ASB18: variants seen among roughly 807,000 people sequenced by gnomAD.
ASB18 encodes the protein ankyrin repeat and SOCS box containing 18.
In ASB18, 33 loss-of-function variants were observed where a neutral mutation model predicts 33.4. That is an observed-to-expected ratio of 0.99 (90% confidence interval 0.75 to 1.32). The LOEUF is 1.32. ASB18 is among the 40% of genes most tolerant of loss of function. The pLI is 0.00. For synonymous variants in ASB18, 295 were observed against 307.6 expected (o/e 0.96, Z 0.43); for missense variants, 694 against 655.5 (o/e 1.06, Z -0.64).
rs1233410033 is a variant in ASB18 at position 236,214,114 on chromosome 2, A to C, written c.1101+248T>G. 1 of 524,580 alleles carries C rather than the reference A, an allele frequency of 1.9e-6. No homozygotes were observed. The highest frequency in any genetic ancestry group is 2.0e-5 in the African/African-American group (1 of 49,016). 32.5% of individuals were successfully genotyped at this position (524,580 alleles called of 1,614,324 possible). ...TTAATTGTCTCGTGGCTCTAACCAGAAGGCTTCTAGGCCCCTGTTCCTCAA... is the reference window on the plus strand; with the variant it reads ...TTAATTGTCTCGTGGCTCTAACCAGCAGGCTTCTAGGCCCCTGTTCCTCAA... On this transcript the variant is annotated intron_variant, in intron 4 of 5. Coordinates refer to ENST00000409749, the MANE Select transcript of ASB18 (RefSeq NM_212556.4). This position sits in a 1 kb window ranked among gnomAD's most constrained non-coding sequence, Gnocchi z 6.5.
rs759870823 is a variant in ASB18, at chr2:236,193,514, C to G, written c.*1358G>C. ...ACACCGATAAGAAACAAAACTGATT[C>G]GGCAGGGCATGGTGACTCATGCCTG... On this transcript the variant is annotated 3_prime_UTR_variant, in exon 6 of 6. Coordinates refer to ENST00000409749, the MANE Select transcript of ASB18 (RefSeq NM_212556.4). The surrounding 1 kb of genome is among the most constrained non-coding windows in gnomAD (Gnocchi z 5.0). Among the ~76,000 whole-genome samples, 1 of 152,124 alleles carries G rather than the reference C, an allele frequency of 6.6e-6. No homozygotes were observed. The highest frequency in any genetic ancestry group is 1.5e-5 in the Non-Finnish European group (1 of 68,028).
rs914723643 is a variant in ASB18, at chr2:236,251,516, T to C, written c.206-10114A>G. 6.6e-6 allele frequency among the ~76,000 whole-genome samples: 1 copy of C among 152,214 alleles called. No homozygotes were observed. The highest frequency in any genetic ancestry group is 2.4e-5 in the African/African-American group (1 of 41,446). On this transcript the variant is annotated intron_variant, in intron 1 of 5. Transcript: ENST00000409749. This position sits in a 1 kb window ranked among gnomAD's most constrained non-coding sequence, Gnocchi z 5.3. ...TACTTCTCTCTTGAAGTTGGTTTGC[T>C]TTGATTGTTCTGCCCTGTGATCCTT... is the stretch of plus-strand genomic sequence containing the variant.
In ASB18 at chr2:236,238,367, G is replaced by A. The variant is rs995715615; in HGVS notation, c.329-411C>T. Among the ~76,000 whole-genome samples the A allele has an allele frequency of 1.3e-5, 2 of 152,168 alleles. No homozygotes were observed. Among genetic ancestry groups the A allele is most frequent in the Non-Finnish European group, 2.9e-5 (2 of 68,046 alleles). ...CCTGAGTTAGGGCAGCTTGAAAGAGGAAAGTGGGTTGTGGAATTTTCCCGA... is the reference window on the plus strand; with the variant it reads ...CCTGAGTTAGGGCAGCTTGAAAGAGAAAAGTGGGTTGTGGAATTTTCCCGA... On this transcript the variant is annotated intron_variant, in intron 2 of 5. Transcript: ENST00000409749. This position sits in a 1 kb window ranked among gnomAD's most constrained non-coding sequence, Gnocchi z 5.2.
At position 236,223,517 on chromosome 2, in the gene ASB18, G is replaced by A. The variant is rs1250854525; in HGVS notation, c.597-8651C>T. Among the ~76,000 whole-genome samples, 1 of 152,232 alleles carries A rather than the reference G, an allele frequency of 6.6e-6. No individual in the cohort carries two copies. Among genetic ancestry groups the A allele is most frequent in the Non-Finnish European group, 1.5e-5 (1 of 68,048 alleles). On this transcript the variant is annotated intron_variant, in intron 3 of 5. Transcript: ENST00000409749. This position sits in a 1 kb window ranked among gnomAD's most constrained non-coding sequence, Gnocchi z 4.6. ...TGGATGAGAGAAACATTGTATGCAT[G>A]TAGGTATGTATGTATATTTTAATAC...
chr2:236,223,659 T>C lies in ASB18; in HGVS notation c.597-8793A>G, dbSNP rs2106273095. Among the ~76,000 whole-genome samples, 1 of 152,306 alleles carries C rather than the reference T, an allele frequency of 6.6e-6. No homozygotes were observed. The highest frequency in any genetic ancestry group is 2.1e-4 in the South Asian group (1 of 4,818). On this transcript the variant is annotated intron_variant, in intron 3 of 5. Coordinates refer to ENST00000409749, the MANE Select transcript of ASB18 (RefSeq NM_212556.4). The surrounding 1 kb of genome is among the most constrained non-coding windows in gnomAD (Gnocchi z 4.6). Reference sequence around the variant, plus strand: ...ATACCTCAATGAAGACATAGAATATTTCCATTTTGCCAGGAATTTCTCCTG... The same window carrying C: ...ATACCTCAATGAAGACATAGAATATCTCCATTTTGCCAGGAATTTCTCCTG...
rs2060676060 is a variant in ASB18 at position 236,253,307 on chromosome 2, G to C, written c.205+10834C>G. ...AGTTTCTCAAGCACCCGAGGTGAGG[G>C]ACCAGGGATTTTCTTTTCTGAGTCT... On this transcript the variant is annotated intron_variant, in intron 1 of 5. Transcript: ENST00000409749. The surrounding 1 kb of genome is among the most constrained non-coding windows in gnomAD (Gnocchi z 5.4). Among the ~76,000 whole-genome samples the C allele has an allele frequency of 1.3e-5, 2 of 152,182 alleles. No homozygotes were observed. Among genetic ancestry groups the C allele is most frequent in the East Asian group, 1.9e-4 (1 of 5,196 alleles).
At position 236,251,959 on chromosome 2, in the gene ASB18, G is replaced by A. The variant is rs1196490562; in HGVS notation, c.206-10557C>T. On this transcript the variant is annotated intron_variant, in intron 1 of 5. Transcript: ENST00000409749. The surrounding 1 kb of genome is among the most constrained non-coding windows in gnomAD (Gnocchi z 5.3). ...TGTACAGAGCATTTTTCAGGTACAA[G>A]AAGCTTACAGAAATAAATAGTAGAA... Among the ~76,000 whole-genome samples the A allele has an allele frequency of 6.6e-6, 1 of 152,102 alleles. No homozygotes were observed. Among genetic ancestry groups the A allele is most frequent in the African/African-American group, 2.4e-5 (1 of 41,434 alleles).
In ASB18 at chr2:236,214,482, G is replaced by C. The variant is rs1356210386; in HGVS notation, c.981C>G (p.Ala327=). The C allele has an allele frequency of 1.3e-6, 2 of 1,502,468 alleles. No individual in the cohort carries two copies. Among genetic ancestry groups the C allele is most frequent in the South Asian group, 2.5e-5 (2 of 80,984 alleles). The allele number at this position is 1,502,468 out of a possible 1,614,324, so 93.1% of individuals were successfully genotyped here. A position where few individuals can be genotyped will look rare whatever the true frequency, so the allele number is the denominator to read the frequency against. The change falls in exon 4 of 6, where the codon GCC becomes GCG. Residue 327 remains alanine (A), a synonymous_variant. Transcript: ENST00000409749. This position sits in a 1 kb window ranked among gnomAD's most constrained non-coding sequence, Gnocchi z 6.5. ...TCTGGAGCACGCGGCCCAGCGGCGA[G>C]GCCCCGCCATAGTCGAGCGCGCCCG... ...ADAGALDYGG[A]SPLGRVLQTA... is the part of the protein sequence containing the mutation.
At chr2:236,247,214 A>G (rs1180036170) in intron 1 of ASB18, 1 of 151,038 alleles carries the variant, frequency 6.6e-6, no homozygotes, top group Non-Finnish European at 1.5e-5. Flanking sequence ...TTTCATAAGC[A>G]TGGCAGAGAG....
chr2:236,248,832 G>A lies in ASB18; in HGVS notation c.206-7430C>T, dbSNP rs1378291519. 6.6e-6 allele frequency: 1 copy of A among 152,194 alleles called. No individual in the cohort carries two copies. The highest frequency in any genetic ancestry group is 1.5e-5 in the Non-Finnish European group (1 of 68,046). 9.4% of individuals were successfully genotyped at this position (152,194 alleles called of 1,614,324 possible). A position where few individuals can be genotyped will look rare whatever the true frequency, so the allele number is the denominator to read the frequency against. ...GCATGACACAGCCAAGATTCCAAAAGGTCTCCACAGGTCAGAGCAACAGGC... is the reference window on the plus strand; with the variant it reads ...GCATGACACAGCCAAGATTCCAAAAAGTCTCCACAGGTCAGAGCAACAGGC... On this transcript the variant is annotated intron_variant, in intron 1 of 5. Transcript: ENST00000409749. The surrounding 1 kb of genome is among the most constrained non-coding windows in gnomAD (Gnocchi z 4.9).
chr2:236,214,424 G>A lies in ASB18; in HGVS notation c.1039C>T (p.Arg347Cys). The A allele has an allele frequency of 4.5e-6, 7 of 1,561,362 alleles. No individual in the cohort carries two copies. Among genetic ancestry groups the A allele is most frequent in the Non-Finnish European group, 5.2e-6 (6 of 1,160,374 alleles). The change falls in exon 4 of 6, where the codon CGC becomes TGC. Residue 347 changes from arginine (R) to cysteine (C), a missense_variant. By Grantham distance (180) the Arg-to-Cys change is radical. Coordinates refer to ENST00000409749, the MANE Select transcript of ASB18 (RefSeq NM_212556.4). The surrounding 1 kb of genome is among the most constrained non-coding windows in gnomAD (Gnocchi z 6.5). ...ASCALQASPQ[R>C]TVQALLNHGS... ...TGGTTGAGCAGCGCCTGCACCGTGCGCTGCGGTGAGGCCTGGAGAGCGCAG... is the reference window on the plus strand; with the variant it reads ...TGGTTGAGCAGCGCCTGCACCGTGCACTGCGGTGAGGCCTGGAGAGCGCAG...
Position 236,237,954 on chromosome 2 carries a change from G to C in ASB18, c.331C>G (p.Leu111Val). 6.7e-7 allele frequency: 1 copy of C among 1,497,352 alleles called. No individual in the cohort carries two copies. The highest frequency in any genetic ancestry group is 2.2e-5 in the Admixed American group (1 of 45,536). 92.8% of individuals were successfully genotyped at this position (1,497,352 alleles called of 1,614,324 possible). Residue 111 changes from leucine to valine, a missense_variant and splice_region_variant, in exon 3 of 6, where the codon CTC becomes GTC. Physicochemically the swap from Leu to Val is conservative, Grantham distance 32. Transcript: ENST00000409749. This position sits in a 1 kb window ranked among gnomAD's most constrained non-coding sequence, Gnocchi z 6.2. ...KSPATFGLSG[L>V]WTLEYKRELT... ...TCACGCTTGTACTCCAGGGTCCAGA[G>C]GCCTGCGGGGAGGGAGGTGGGATGT...
intron 1 of ASB18, among the ~76,000 whole-genome samples, chr2:236,242,533 C>T (rs1283241712): frequency 6.6e-6 from 1 of 152,154 alleles, no homozygotes; most frequent in Non-Finnish European, 1.5e-5. Flanking sequence ...ATACTCACTG[C>T]ACCCTCCACC....
Position 236,260,889 on chromosome 2 carries a change from A to G in ASB18, c.205+3252T>C, listed in dbSNP as rs76751193. ...AAGCAGTTCCCAAGCTCATCCCACC[A>G]TGGAGCTCTTCTCAGGAAGCTTGTG... On this transcript the variant is annotated intron_variant, in intron 1 of 5. Coordinates refer to ENST00000409749, the MANE Select transcript of ASB18 (RefSeq NM_212556.4). This position sits in a 1 kb window ranked among gnomAD's most constrained non-coding sequence, Gnocchi z 5.1. Among the ~76,000 whole-genome samples, 275 of 152,278 alleles carry G rather than the reference A, an allele frequency of 1.8e-3. 1 individual carries two copies. The highest frequency in any genetic ancestry group is 6.4e-3 in the African/African-American group (265 of 41,570).
chr2:236,214,661 C>G lies in ASB18; in HGVS notation c.802G>C (p.Glu268Gln). 8.7e-7 allele frequency: 1 copy of G among 1,148,956 alleles called. No homozygotes were observed. Among genetic ancestry groups the G allele is most frequent in the Non-Finnish European group, 1.1e-6 (1 of 936,358 alleles). The allele number at this position is 1,148,956 out of a possible 1,614,324, so 71.2% of individuals were successfully genotyped here. A position where few individuals can be genotyped will look rare whatever the true frequency, so the allele number is the denominator to read the frequency against. Reference sequence around the variant, plus strand: ...CACAGGCGCAGGCAGCGCCCGTGCTCGTCGGGCCTCCGCGCCGCACCGCAG... The same window carrying G: ...CACAGGCGCAGGCAGCGCCCGTGCTGGTCGGGCCTCCGCGCCGCACCGCAG... The part of the protein sequence containing the change: ...AACGAARRPD[E>Q]HGRCLRLCAL... The change falls in exon 4 of 6, where the codon GAG (glutamate) becomes CAG (glutamine). Residue 268 changes from glutamate to glutamine, a missense_variant. Coordinates refer to ENST00000409749, the MANE Select transcript of ASB18 (RefSeq NM_212556.4). The surrounding 1 kb of genome is among the most constrained non-coding windows in gnomAD (Gnocchi z 6.5).
chr2:236,201,532 G>GGTTAT (rs112238579), intron 4 of ASB18, among the ~76,000 whole-genome samples: 26,085 of 151,910 alleles, frequency 0.17, 2,243 homozygotes, highest in South Asian at 0.25. Flanking sequence ...ATTTTCAAAT[G>GGTTAT]GTTATTTTTT....
intron 3 of ASB18, among the ~76,000 whole-genome samples, chr2:236,233,713 C>A (rs893476447): frequency 6.6e-6 from 1 of 152,116 alleles, no homozygotes; most frequent in Non-Finnish European, 1.5e-5. Context: ...AAAATATATG[C>A]AAACCTTGTT....
At position 236,211,101 on chromosome 2, in the gene ASB18, G is replaced by T. The variant is rs1383437852; in HGVS notation, c.1101+3261C>A. On this transcript the variant is annotated intron_variant, in intron 4 of 5. Transcript: ENST00000409749. This position sits in a 1 kb window ranked among gnomAD's most constrained non-coding sequence, Gnocchi z 5.0. Reference sequence around the variant, plus strand: ...GCCTTTTATCCAGACCAAGCATCCAGCCCAAAAAGTCACCTGTGGCAGATG... The same window carrying T: ...GCCTTTTATCCAGACCAAGCATCCATCCCAAAAAGTCACCTGTGGCAGATG... Among the ~76,000 whole-genome samples the T allele has an allele frequency of 6.6e-6, 1 of 152,196 alleles. No homozygotes were observed. The highest frequency in any genetic ancestry group is 1.5e-5 in the Non-Finnish European group (1 of 68,032).
chr2:236,262,599 G>T lies in ASB18; in HGVS notation c.205+1542C>A, dbSNP rs901694588. On this transcript the variant is annotated intron_variant, in intron 1 of 5. Transcript: ENST00000409749. This position sits in a 1 kb window ranked among gnomAD's most constrained non-coding sequence, Gnocchi z 5.2. ...ATGCAGTTTGCAGAGATCAGCCTCG[G>T]GGGGGTGCTTGGGCACGGTGGGCCT... Among the ~76,000 whole-genome samples the T allele has an allele frequency of 5.3e-5, 8 of 152,232 alleles. No individual in the cohort carries two copies. Among genetic ancestry groups the T allele is most frequent in the African/African-American group, 1.4e-4 (6 of 41,462 alleles).
Sources: gnomAD v4.1 joint callset for allele counts (sites outside exome capture counted in the v4.1 genomes callset) on GRCh38, gnomAD v4.1.1 for gene constraint, Gnocchi (gnomAD v3.1) non-coding constraint, MANE v1.5 for transcripts, NCBI Gene and HGNC (gene_info 2026-07-23, HGNC 2026-07-21) for gene names.